DDX10: variants seen among roughly 807,000 people sequenced by gnomAD.
DDX10 encodes probable ATP-dependent RNA helicase DDX10.
In DDX10, 74 loss-of-function variants were observed where a neutral mutation model predicts 104.3. That is an observed-to-expected ratio of 0.71 (90% confidence interval 0.59 to 0.86). The LOEUF (loss-of-function observed/expected upper bound fraction) is 0.86. DDX10 is among the 40% of genes least tolerant of loss of function. DDX10 has a pLI of 0.00. For missense variants in DDX10, 952 were observed against 1,040.0 expected (o/e 0.92, Z 1.16); for synonymous variants, 351 against 353.4 (o/e 0.99, Z 0.08).
At chr11:108,818,059 G>A (rs1207575157) in intron 13 of DDX10, among the ~76,000 whole-genome samples, 1 of 152,148 alleles carries the variant, frequency 6.6e-6, no homozygotes, top group Non-Finnish European at 1.5e-5. Flanking sequence ...ACAACGCCAC[G>A]ATATAGCTCA....
At chr11:108,828,394 C>T (rs140734251) in intron 13 of DDX10, among the ~76,000 whole-genome samples, 16 of 152,256 alleles carry the variant, frequency 1.1e-4, no homozygotes, top group African/African-American at 2.6e-4. Context: ...TGAGTGAGAA[C>T]ATTTGATGTT....
intron 15 of DDX10, among the ~76,000 whole-genome samples, chr11:108,846,514 T>C (rs1048123769): frequency 3.3e-5 from 5 of 152,196 alleles, no homozygotes; most frequent in Admixed American, 3.3e-4. Context: ...TGAACTGGAT[T>C]CCACAGATAA....
intron 16 of DDX10, among the ~76,000 whole-genome samples, chr11:108,860,035 G>C (rs945335427): frequency 1.3e-5 from 2 of 151,796 alleles, no homozygotes; most frequent in Non-Finnish European, 2.9e-5. Flanking sequence ...TCTTCTTCTT[G>C]TTTTGTTTCA....
chr11:108,710,823 G>C (rs144153731), intron 10 of DDX10, among the ~76,000 whole-genome samples: 1 of 152,142 alleles, frequency 6.6e-6, no homozygotes, highest in Admixed American at 6.5e-5. Context: ...TGATGGCTGC[G>C]ACATCACTAG....
Position 108,876,875 on chromosome 11 carries a change from A to G in DDX10, c.2304+24666A>G, listed in dbSNP as rs183969563. Reference sequence around the variant, plus strand: ...TGGTAGCTTTCCTTGAAGTTTTTAGAGAGATTTTAGTGTTGTCTTGCCACT... The same window carrying G: ...TGGTAGCTTTCCTTGAAGTTTTTAGGGAGATTTTAGTGTTGTCTTGCCACT... On this transcript the variant is annotated intron_variant, in intron 16 of 17. Transcript: ENST00000322536. Among the ~76,000 whole-genome samples the G allele has an allele frequency of 1.6e-4, 24 of 152,290 alleles. No individual in the cohort carries two copies. The East Asian group carries it at 2.1e-3, about 13-fold the overall frequency.
At chr11:108,830,476 A>G (rs1271860515) in intron 13 of DDX10, among the ~76,000 whole-genome samples, 1 of 152,156 alleles carries the variant, frequency 6.6e-6, no homozygotes, top group Admixed American at 6.5e-5. Context: ...TAGTTATACA[A>G]TCATATCATC....
intron 10 of DDX10, among the ~76,000 whole-genome samples, chr11:108,712,562 C>T (rs957223253): frequency 6.6e-6 from 1 of 151,844 alleles, no homozygotes; most frequent in East Asian, 1.9e-4. Flanking sequence ...GTGTGAGTAC[C>T]TTATAACGTA....
At chr11:108,709,064 C>T (rs140723068) in intron 10 of DDX10, among the ~76,000 whole-genome samples, 9 of 152,260 alleles carry the variant, frequency 5.9e-5, no homozygotes, top group East Asian at 1.9e-4. Flanking sequence ...CTTTCCCAAT[C>T]GGTATGCCTT....
At chr11:108,683,651 A>G (rs2094238630) in intron 6 of DDX10, among the ~76,000 whole-genome samples, 1 of 152,246 alleles carries the variant, frequency 6.6e-6, no homozygotes, top group South Asian at 2.1e-4. Flanking sequence ...GCTGATAGAA[A>G]TTATTGCCTA....
chr11:108,770,445 TTCTTTC>T (rs1366871781), intron 13 of DDX10, among the ~76,000 whole-genome samples: 2 of 151,972 alleles, frequency 1.3e-5, no homozygotes, highest in Non-Finnish European at 2.9e-5. Context: ...GTCTTATTCA[TTCTTTC>T]TAACCACTTT....
intron 9 of DDX10, among the ~76,000 whole-genome samples, chr11:108,702,205 A>G (rs773555506): frequency 6.6e-6 from 1 of 152,232 alleles, no homozygotes. Flanking sequence ...ACTTATTTTT[A>G]ATAACTTGTA....
At chr11:108,834,927 C>CAAAAAAAAAAAAAAA (rs56174572) in intron 13 of DDX10, among the ~76,000 whole-genome samples, 1 of 62,252 alleles carries the variant, frequency 1.6e-5, no homozygotes, top group East Asian at 5.6e-4. Context: ...GACTCCATCT[C>CAAAAAAAAAAAAAAA]AAAAAAAAAA....
At chr11:108,822,402 A>G in intron 13 of DDX10, 1 of 402,986 alleles carries the variant, frequency 2.5e-6, no homozygotes, top group South Asian at 2.0e-5. Flanking sequence ...TAATGCTGGC[A>G]AAGATCATTT....
At chr11:108,675,454 C>T (rs1182618014) in intron 2 of DDX10, 142 bp from the exon 3 acceptor site, 3 of 847,262 alleles carry the variant, frequency 3.5e-6, no homozygotes, top group Non-Finnish European at 3.5e-6. Flanking sequence ...CTTTAAAGGC[C>T]CTGTCTCCAA....
chr11:108,753,453 C>A (rs550786070), intron 13 of DDX10, among the ~76,000 whole-genome samples: 1 of 151,964 alleles, frequency 6.6e-6, no homozygotes, highest in African/African-American at 2.4e-5. Context: ...ATATTATGTA[C>A]GTATGTTGCT....
chr11:108,771,863 A>G (rs1241581141), intron 13 of DDX10, among the ~76,000 whole-genome samples: 1 of 152,188 alleles, frequency 6.6e-6, no homozygotes, highest in Non-Finnish European at 1.5e-5. Context: ...GTCTTGATCC[A>G]TCATGGTCAG....
At chr11:108,887,155 G>T (rs989056699) in intron 16 of DDX10, among the ~76,000 whole-genome samples, 6 of 151,924 alleles carry the variant, frequency 3.9e-5, no homozygotes, top group Admixed American at 3.9e-4. Context: ...GGAAAATTGG[G>T]GTGTTTATCT....
At chr11:108,831,898 A>G (rs1591829876) in intron 13 of DDX10, among the ~76,000 whole-genome samples, 1 of 152,146 alleles carries the variant, frequency 6.6e-6, no homozygotes, top group Admixed American at 6.5e-5. Flanking sequence ...TTCTACACCT[A>G]TCATAGGACA....
At chr11:108,817,108 T>C (rs1025343771) in intron 13 of DDX10, among the ~76,000 whole-genome samples, 5 of 152,212 alleles carry the variant, frequency 3.3e-5, no homozygotes, top group African/African-American at 1.2e-4. Context: ...ATTGGTTTTG[T>C]TATATAGTAG....
Sources: allele counts gnomAD v4.1 joint callset (sites outside exome capture counted in the v4.1 genomes callset), GRCh38; gene constraint gnomAD v4.1.1; transcripts MANE v1.5; gene names NCBI Gene and HGNC (gene_info 2026-07-23, HGNC 2026-07-21).